The following GRIA4 variants were observed in gnomAD, a reference collection of about 807,000 sequenced individuals.
GRIA4 encodes the protein glutamate ionotropic receptor AMPA type subunit 4.
A neutral mutation model predicts 104.0 loss-of-function variants in GRIA4; 34 were observed. That is an observed-to-expected ratio of 0.33 (90% confidence interval 0.25 to 0.44). The LOEUF (loss-of-function observed/expected upper bound fraction) is 0.44. Among genes scored for constraint, GRIA4 ranks in the 20% least tolerant of loss-of-function variants. The probability of loss-of-function intolerance (pLI) is 1.00; values close to 1 mark genes in which losing one functional copy is unlikely to be tolerated. For missense variants in GRIA4, 750 were observed against 1,096.5 expected, an observed-to-expected ratio of 0.68 and a Z score of 4.46; for synonymous variants, 386 against 381.9, an observed-to-expected ratio of 1.01 and a Z score of -0.13.
At chr11:105,909,713 C>T (rs1367528494) in intron 9 of GRIA4, among the ~76,000 whole-genome samples, 1 of 151,994 alleles carries the variant, frequency 6.6e-6, no homozygotes, top group Non-Finnish European at 1.5e-5. Flanking sequence ...ACAAAGAATC[C>T]TAAATTTCCA....
intron 14 of GRIA4, among the ~76,000 whole-genome samples, chr11:105,965,113 A>G (rs1948834890): frequency 6.6e-6 from 1 of 151,948 alleles, no homozygotes; most frequent in Non-Finnish European, 1.5e-5. Context: ...GGCCCATGAC[A>G]CTATTTTTTA....
chr11:105,767,434 A>G (rs1025080675), intron 4 of GRIA4, among the ~76,000 whole-genome samples: 1 of 152,126 alleles, frequency 6.6e-6, no homozygotes, highest in East Asian at 1.9e-4. Flanking sequence ...AAAGGAGGGG[A>G]AATCTCTAGC....
intron 7 of GRIA4, among the ~76,000 whole-genome samples, chr11:105,899,881 A>G (rs934823101): frequency 3.9e-5 from 6 of 152,330 alleles, no homozygotes; most frequent in African/African-American, 1.4e-4. Flanking sequence ...TTTCTCCATA[A>G]GGCACATCAC....
At chr11:105,678,162 A>T (rs1952600777) in intron 3 of GRIA4, among the ~76,000 whole-genome samples, 1 of 152,076 alleles carries the variant, frequency 6.6e-6, no homozygotes, top group Non-Finnish European at 1.5e-5. Flanking sequence ...TACTATATGT[A>T]TTTCATATCT....
Position 105,799,914 on chromosome 11 carries a change from A to C in GRIA4, c.487+46694A>C, listed in dbSNP as rs191798105. Among the ~76,000 whole-genome samples the C allele has an allele frequency of 4.9e-3, 741 of 152,264 alleles. 3 individuals are homozygous for C. Among genetic ancestry groups the C allele is most frequent in the Non-Finnish European group, 8.0e-3 (541 of 68,008 alleles). ...TCTCTAGTAACATTCAGCTGTTAAG[A>C]CGTAGGCTCAGAGTAACAAAGAACT... On this transcript the variant is annotated intron_variant, in intron 4 of 16. Coordinates refer to ENST00000282499, the MANE Select transcript of GRIA4 (RefSeq NM_000829.4).
chr11:105,704,084 G>A (rs1478036440), intron 3 of GRIA4, among the ~76,000 whole-genome samples: 1 of 151,860 alleles, frequency 6.6e-6, no homozygotes, highest in Non-Finnish European at 1.5e-5. Flanking sequence ...ACATGTATAG[G>A]CTTTCTTTCT....
intron 13 of GRIA4, among the ~76,000 whole-genome samples, chr11:105,929,217 T>C (rs940207255): frequency 6.6e-6 from 1 of 152,028 alleles, no homozygotes; most frequent in Non-Finnish European, 1.5e-5. Flanking sequence ...GAAACCAGAA[T>C]GTGAAGGGTA....
chr11:105,690,104 C>CT (rs1378730502), intron 3 of GRIA4, among the ~76,000 whole-genome samples: 1 of 152,030 alleles, frequency 6.6e-6, no homozygotes, highest in African/African-American at 2.4e-5. Context: ...ATACTTACAT[C>CT]TTTTTTTTCT....
intron 14 of GRIA4, among the ~76,000 whole-genome samples, chr11:105,969,101 T>C (rs1353290312): frequency 6.6e-6 from 1 of 152,210 alleles, no homozygotes; most frequent in African/African-American, 2.4e-5. Context: ...AATAATGCTT[T>C]CTCTAGGTAT....
chr11:105,852,242 A>G (rs1944838177), intron 4 of GRIA4, among the ~76,000 whole-genome samples: 1 of 152,150 alleles, frequency 6.6e-6, no homozygotes, highest in South Asian at 2.1e-4. Flanking sequence ...TGGGATGTTG[A>G]GTTATACATT....
intron 4 of GRIA4, among the ~76,000 whole-genome samples, chr11:105,860,951 T>C (rs533270534): frequency 1.0e-3 from 108 of 102,884 alleles, no homozygotes; most frequent in African/African-American, 4.7e-3. Flanking sequence ...AGAGCAAGAC[T>C]GTCTGAAAAA....
At chr11:105,940,889 G>T (rs1297561667) in intron 14 of GRIA4, among the ~76,000 whole-genome samples, 1 of 151,996 alleles carries the variant, frequency 6.6e-6, no homozygotes, top group East Asian at 1.9e-4. Flanking sequence ...AATGACTCTG[G>T]TTTAGAATTA....
intron 3 of GRIA4, among the ~76,000 whole-genome samples, chr11:105,674,746 A>T (rs976428544): frequency 6.6e-6 from 1 of 151,946 alleles, no homozygotes; most frequent in African/African-American, 2.4e-5. Context: ...CCAAGGTTTA[A>T]AAGAGGAGCA....
intron 14 of GRIA4, among the ~76,000 whole-genome samples, chr11:105,936,813 G>A (rs1948053796): frequency 6.6e-6 from 1 of 152,188 alleles, no homozygotes; most frequent in Non-Finnish European, 1.5e-5. Flanking sequence ...CAGCAATGGT[G>A]ACTAGCACCT....
At chr11:105,968,185 T>C (rs2136277700) in intron 14 of GRIA4, among the ~76,000 whole-genome samples, 2 of 152,248 alleles carry the variant, frequency 1.3e-5, no homozygotes, top group South Asian at 4.1e-4. Flanking sequence ...CAGTGACTCA[T>C]CTAATGAAGA....
At chr11:105,661,110 T>A (rs1445612) in intron 3 of GRIA4, among the ~76,000 whole-genome samples, 149,350 of 151,642 alleles carry the variant, frequency 0.98, 73,590 homozygotes, top group Middle Eastern at 1. Flanking sequence ...TATTTTCTAG[T>A]GTGACATAAT....
At chr11:105,863,902 A>C (rs1366775004) in intron 5 of GRIA4, among the ~76,000 whole-genome samples, 1 of 152,200 alleles carries the variant, frequency 6.6e-6, no homozygotes, top group East Asian at 1.9e-4. Flanking sequence ...GGTGCTTTGG[A>C]TAAACTCTGA....
intron 12 of GRIA4, among the ~76,000 whole-genome samples, chr11:105,925,940 T>A (rs916852580): frequency 6.6e-6 from 1 of 152,032 alleles, no homozygotes; most frequent in African/African-American, 2.4e-5. Context: ...ATTCTCTGGA[T>A]TTTTTTACTC....
chr11:105,926,656 TATGCATGGTGA>T, intron 12 of GRIA4, 74 bp from the exon 13 acceptor site: 1 of 807,520 alleles, frequency 1.2e-6, no homozygotes, highest in Non-Finnish European at 2.1e-6. Flanking sequence ...TATTTTTAAA[TATGCATGGTGA>T]ATTGACGGTA....
Sources: allele counts gnomAD v4.1 joint callset (sites outside exome capture counted in the v4.1 genomes callset), GRCh38; gene constraint gnomAD v4.1.1; transcripts MANE v1.5; gene names NCBI Gene and HGNC (gene_info 2026-07-23, HGNC 2026-07-21).